CTNNBL1: variants seen among roughly 807,000 people sequenced by gnomAD.
The protein encoded by CTNNBL1 is catenin beta like 1.
CTNNBL1 carries 31 observed loss-of-function variants against 72.7 expected under a neutral mutation model. The ratio of observed to expected loss-of-function variants is 0.43; its 90% CI spans 0.32 to 0.58. The LOEUF is 0.58. CTNNBL1 is among the 20% of genes least tolerant of loss of function. The pLI, the probability that CTNNBL1 is intolerant of heterozygous loss-of-function variation, is 0.08. For synonymous variants in CTNNBL1, 240 were observed against 267.3 expected (o/e 0.90, Z 1.00); for missense variants, 534 against 725.1 (o/e 0.74, Z 3.03).
Position 37,694,065 on chromosome 20 carries a change from C to A in CTNNBL1, c.-58C>A, listed in dbSNP as rs949613259. On this transcript the variant is annotated 5_prime_UTR_variant, in exon 1 of 16. Coordinates refer to ENST00000361383, the MANE Select transcript of CTNNBL1 (RefSeq NM_030877.5). ...GCAGTGTGGCTGGAGCCGCGGCTGA[C>A]GGGCCCGCGGTCTGGGCGTGAGTGC... 9 of 1,572,984 alleles carry A rather than the reference C, an allele frequency of 5.7e-6. No homozygotes were observed. The highest frequency in any genetic ancestry group is 6.9e-6 in the Non-Finnish European group (8 of 1,157,966).
rs745899014 is a variant in CTNNBL1, at chr20:37,840,139, C to T, written c.1251C>T (p.Asn417=). 3.6e-5 allele frequency: 58 copies of T among 1,613,826 alleles called. No individual in the cohort carries two copies. Among genetic ancestry groups the T allele is most frequent in the Non-Finnish European group, 4.6e-5 (54 of 1,179,908 alleles). ...VCSILASLLR[N]LRGQQRTRLL... is the part of the protein sequence containing the mutation. ...CGATCCTGGCTTCCCTCCTGCGGAA[C>T]CTGAGAGGGCAGCAGCGGACCCGGC... Residue 417 remains asparagine, a synonymous_variant, in exon 12 of 16, where the codon AAC becomes AAT. Coordinates refer to ENST00000361383, the MANE Select transcript of CTNNBL1 (RefSeq NM_030877.5).
At position 37,871,924 on chromosome 20, in the gene CTNNBL1, G is replaced by A; in HGVS notation, c.1604-1G>A. On this transcript the variant is annotated splice_acceptor_variant, in intron 15 of 15. Coordinates refer to ENST00000361383, the MANE Select transcript of CTNNBL1 (RefSeq NM_030877.5). LOFTEE classifies it high-confidence loss of function. ...TCCTGACTCTATCTTTGTCCCCCTA[G>A]AGTATGCAGAGAACATCGGGGACGG... The A allele has an allele frequency of 6.2e-7, 1 of 1,613,628 alleles. No individual in the cohort carries two copies. The highest frequency in any genetic ancestry group is 8.5e-7 in the Non-Finnish European group (1 of 1,179,594).
chr20:37,743,394 C>T (rs1442669854), intron 3 of CTNNBL1, among the ~76,000 whole-genome samples: 1 of 151,858 alleles, frequency 6.6e-6, no homozygotes, highest in African/African-American at 2.4e-5. Flanking sequence ...AGCTTCCACA[C>T]TTCAAGTGAT....
intron 3 of CTNNBL1, among the ~76,000 whole-genome samples, 170 bp from the exon 4 acceptor site, chr20:37,746,298 C>G (rs762158290): frequency 7.2e-5 from 11 of 152,144 alleles, no homozygotes; most frequent in Non-Finnish European, 1.3e-4. Flanking sequence ...ATGAGGAAAT[C>G]GATTTCCCAA....
chr20:37,825,501 C>G (rs1192798272), intron 11 of CTNNBL1, among the ~76,000 whole-genome samples: 1 of 151,936 alleles, frequency 6.6e-6, no homozygotes, highest in African/African-American at 2.4e-5. Context: ...GTGGTGAAAC[C>G]CCATCCCTAC....
chr20:37,854,715 A>G (rs1297793243), intron 13 of CTNNBL1, among the ~76,000 whole-genome samples: 1 of 151,702 alleles, frequency 6.6e-6, no homozygotes, highest in African/African-American at 2.4e-5. Context: ...CAGCCTCCCA[A>G]GTACCTGGGG....
In CTNNBL1 at chr20:37,734,427, C is replaced by T. The variant is rs932342050; in HGVS notation, c.219+1360C>T. Reference sequence around the variant, plus strand: ...CCCTCCTCACCAGCTTCTGCTCAATCTGTTAGCCCTGCAGCAGCAGTTAAT... The same window carrying T: ...CCCTCCTCACCAGCTTCTGCTCAATTTGTTAGCCCTGCAGCAGCAGTTAAT... On this transcript the variant is annotated intron_variant, in intron 2 of 15. Coordinates refer to ENST00000361383, the MANE Select transcript of CTNNBL1 (RefSeq NM_030877.5). Among the ~76,000 whole-genome samples, 6 of 152,338 alleles carry T rather than the reference C, an allele frequency of 3.9e-5. No homozygotes were observed. In the South Asian group the frequency reaches 1.2e-3, roughly 32 times the overall value.
intron 10 of CTNNBL1, among the ~76,000 whole-genome samples, chr20:37,801,212 A>G (rs2073820718): frequency 6.6e-6 from 1 of 152,094 alleles, no homozygotes; most frequent in South Asian, 2.1e-4. Flanking sequence ...GCTGATTTAT[A>G]CTTTTCTCTG....
intron 12 of CTNNBL1, 169 bp from the exon 13 acceptor site, chr20:37,842,170 A>G (rs1425483100): frequency 1.7e-6 from 1 of 604,746 alleles, no homozygotes; most frequent in Non-Finnish European, 3.0e-6. Flanking sequence ...CAGCCCTTTG[A>G]TCCATTCCTG....
chr20:37,701,928 T>G (rs6012858), intron 1 of CTNNBL1, among the ~76,000 whole-genome samples: 6 of 60,648 alleles, frequency 9.9e-5, no homozygotes, highest in Non-Finnish European at 1.5e-4. Context: ...CGTAATACAT[T>G]GTACGCTCAT....
In CTNNBL1 at chr20:37,762,916, G is replaced by A. The variant is rs538639485; in HGVS notation, c.565-2281G>A. 3.3e-5 allele frequency among the ~76,000 whole-genome samples: 5 copies of A among 152,270 alleles called. No homozygotes were observed. The East Asian group carries it at 7.7e-4, about 23-fold the overall frequency. On this transcript the variant is annotated intron_variant, in intron 5 of 15. Coordinates refer to ENST00000361383, the MANE Select transcript of CTNNBL1 (RefSeq NM_030877.5). The stretch of plus-strand genomic sequence containing the variant: ...AAGAAAGATTTTCCTCCAGCCAGAG[G>A]CCCATTATCCATAACCATTCAGCTC...
At chr20:37,730,514 G>A (rs533311736) in intron 1 of CTNNBL1, among the ~76,000 whole-genome samples, 20 of 152,320 alleles carry the variant, frequency 1.3e-4, no homozygotes, top group African/African-American at 4.3e-4. Flanking sequence ...GGTAGGTGAT[G>A]GGCCCAAAGT....
intron 13 of CTNNBL1, among the ~76,000 whole-genome samples, chr20:37,847,604 T>A (rs1412037579): frequency 1.3e-5 from 2 of 152,186 alleles, no homozygotes; most frequent in African/African-American, 4.8e-5. Context: ...CTTTCCCGTT[T>A]CCATTGGCTA....
intron 11 of CTNNBL1, among the ~76,000 whole-genome samples, chr20:37,803,642 C>T (rs1407857537): frequency 6.6e-6 from 1 of 152,146 alleles, no homozygotes; most frequent in Non-Finnish European, 1.5e-5. Flanking sequence ...AGCCACAGTG[C>T]AATCTGGAAG....
intron 11 of CTNNBL1, among the ~76,000 whole-genome samples, chr20:37,812,845 T>C (rs1303994623): frequency 6.6e-6 from 1 of 152,062 alleles, no homozygotes; most frequent in Non-Finnish European, 1.5e-5. Context: ...GGTAAAGATG[T>C]AGAAGGAAGT....
intron 13 of CTNNBL1, among the ~76,000 whole-genome samples, chr20:37,852,158 C>T (rs1434983465): frequency 1.3e-5 from 2 of 152,208 alleles, no homozygotes; most frequent in Admixed American, 6.5e-5. Context: ...TTGTGGAAGA[C>T]TCCCTTTAAA....
At chr20:37,808,763 C>G (rs572394400) in intron 11 of CTNNBL1, among the ~76,000 whole-genome samples, 32 of 152,234 alleles carry the variant, frequency 2.1e-4, no homozygotes, top group African/African-American at 7.5e-4. Context: ...CTAGTTCTCA[C>G]TCCCTACCTC....
chr20:37,781,228 T>C (rs954017125), intron 10 of CTNNBL1, among the ~76,000 whole-genome samples: 2 of 152,166 alleles, frequency 1.3e-5, no homozygotes, highest in African/African-American at 4.8e-5. Context: ...ATAGCATAAA[T>C]AGAAGATACA....
chr20:37,756,633 CTTTTTTT>C lies in CTNNBL1; in HGVS notation c.467-914_467-908del, dbSNP rs373023677. Among the ~76,000 whole-genome samples the C allele has an allele frequency of 3.8e-4, 50 of 130,060 alleles. No individual in the cohort carries two copies. In the East Asian group the frequency reaches 7.1e-3, roughly 18 times the overall value. The allele number at this position is 130,060 out of a possible 152,430, so 85.3% of individuals were successfully genotyped here. Reference sequence around the variant, plus strand: ...TTTTCTTTTCTCTCTCTCTCCCTTTCTTTTTTTTTTTTTTTTTTCTTTGAGACAGGGT... The same window carrying C: ...TTTTCTTTTCTCTCTCTCTCCCTTTCTTTTTTTTTTTCTTTGAGACAGGGT... On this transcript the variant is annotated intron_variant, in intron 4 of 15. Coordinates refer to ENST00000361383, the MANE Select transcript of CTNNBL1 (RefSeq NM_030877.5).
Sources: allele counts gnomAD v4.1 joint callset (sites outside exome capture counted in the v4.1 genomes callset), GRCh38; gene constraint gnomAD v4.1.1; transcripts MANE v1.5; gene names NCBI Gene and HGNC (gene_info 2026-07-23, HGNC 2026-07-21).